GTF2E2: variants seen among roughly 807,000 people sequenced by gnomAD.
GTF2E2 encodes general transcription factor IIE subunit 2.
Under a neutral mutation model 40.5 loss-of-function variants are expected in GTF2E2, and 21 were observed. That is an observed-to-expected ratio of 0.52 (90% CI 0.37 to 0.75). GTF2E2 has a LOEUF of 0.75. Among genes scored for constraint, GTF2E2 ranks in the 30% least tolerant of loss-of-function variants. The probability of loss-of-function intolerance (pLI) is 0.00; values close to 1 mark genes in which losing one functional copy is unlikely to be tolerated. For missense variants in GTF2E2, 298 were observed against 338.4 expected, an observed-to-expected ratio of 0.88 and a Z score of 0.94; for synonymous variants, 117 against 121.6, an observed-to-expected ratio of 0.96 and a Z score of 0.25.
chr8:30,651,546 G>A (rs1187545649), intron 2 of GTF2E2, among the ~76,000 whole-genome samples: 1 of 152,120 alleles, frequency 6.6e-6, no homozygotes, highest in Admixed American at 6.5e-5. Context: ...CTTGAGGCCA[G>A]GAGTTTGAGA....
Position 30,616,932 on chromosome 8 carries a change from T to C in GTF2E2, c.259-2217A>G, listed in dbSNP as rs548831120. Among the ~76,000 whole-genome samples, 312 of 152,102 alleles carry C rather than the reference T, an allele frequency of 2.1e-3. 2 individuals carry two copies. Among genetic ancestry groups the C allele is most frequent in the African/African-American group, 7.2e-3 (300 of 41,448 alleles). ...TATACATTTGAACTTTGTTTCTGCA[T>C]AAAGAACCACTGGAAAAAAAATCAC... On this transcript the variant is annotated intron_variant, in intron 3 of 7. Transcript: ENST00000355904.
chr8:30,623,333 A>C (rs1028002580), intron 3 of GTF2E2, among the ~76,000 whole-genome samples: 1 of 152,000 alleles, frequency 6.6e-6, no homozygotes, highest in Non-Finnish European at 1.5e-5. Flanking sequence ...GCTGAGAATG[A>C]TGGTTTCCAG....
At chr8:30,610,654 G>A (rs939170376) in intron 5 of GTF2E2, among the ~76,000 whole-genome samples, 1 of 151,970 alleles carries the variant, frequency 6.6e-6, no homozygotes, top group Non-Finnish European at 1.5e-5. Context: ...CACATGAAAA[G>A]GAATAAAGTT....
intron 3 of GTF2E2, among the ~76,000 whole-genome samples, chr8:30,622,433 G>A (rs1449053743): frequency 7.8e-6 from 1 of 128,808 alleles, no homozygotes; most frequent in African/African-American, 2.6e-5. Context: ...TGCTTCACAA[G>A]ATAATAGAGT....
chr8:30,593,356 TCTAA>T (rs1828902941), intron 6 of GTF2E2, among the ~76,000 whole-genome samples: 1 of 152,230 alleles, frequency 6.6e-6, no homozygotes, highest in Non-Finnish European at 1.5e-5. Flanking sequence ...AATGCTGTAG[TCTAA>T]CTGTGGATGT....
intron 7 of GTF2E2, among the ~76,000 whole-genome samples, chr8:30,580,079 T>G (rs1317600922): frequency 2.0e-5 from 3 of 152,038 alleles, no homozygotes; most frequent in Non-Finnish European, 4.4e-5. Flanking sequence ...TGGGAGGAGC[T>G]GGGTGTAGAA....
intron 3 of GTF2E2, among the ~76,000 whole-genome samples, chr8:30,631,944 C>T (rs1036395232): frequency 1.8e-4 from 27 of 151,510 alleles, no homozygotes; most frequent in South Asian, 2.1e-4. Flanking sequence ...CCTGTCTCTA[C>T]AAAAAAAATA....
intron 1 of GTF2E2, among the ~76,000 whole-genome samples, chr8:30,657,399 CTT>C (rs1031710691): frequency 1.3e-5 from 2 of 152,168 alleles, no homozygotes; most frequent in African/African-American, 4.8e-5. Context: ...CTTCCCCTCT[CTT>C]TCACTTTTAC....
chr8:30,639,307 G>C (rs1017666658), intron 2 of GTF2E2, among the ~76,000 whole-genome samples: 1 of 152,066 alleles, frequency 6.6e-6, no homozygotes, highest in African/African-American at 2.4e-5. Context: ...TTTAATTAAA[G>C]TATTTCTTCA....
At chr8:30,637,263 C>T in intron 2 of GTF2E2, 1 of 456,156 alleles carries the variant, frequency 2.2e-6, no homozygotes, top group Non-Finnish European at 4.4e-6. Context: ...ACTGTATAAA[C>T]AACTGGGAAG....
chr8:30,640,654 A>G (rs751535780), intron 2 of GTF2E2, among the ~76,000 whole-genome samples: 60 of 152,186 alleles, frequency 3.9e-4, no homozygotes, highest in Admixed American at 5.9e-4. Flanking sequence ...ATAAACTTAC[A>G]TTTTAATTTC....
intron 6 of GTF2E2, among the ~76,000 whole-genome samples, chr8:30,593,917 ATATT>A (rs905809046): frequency 6.6e-6 from 1 of 151,234 alleles, no homozygotes; most frequent in Non-Finnish European, 1.5e-5. Flanking sequence ...TAACCTGTCT[ATATT>A]TATTTTTTAT....
chr8:30,630,200 T>C (rs1801400612), intron 3 of GTF2E2, among the ~76,000 whole-genome samples: 1 of 152,198 alleles, frequency 6.6e-6, no homozygotes, highest in African/African-American at 2.4e-5. Context: ...CCAACGTAAA[T>C]TACTGAGCTA....
intron 3 of GTF2E2, among the ~76,000 whole-genome samples, chr8:30,624,016 T>C (rs576739831): frequency 7.0e-4 from 107 of 152,232 alleles, no homozygotes; most frequent in African/African-American, 1.4e-3. Context: ...TTTAGTTTAA[T>C]TAGATCCCAT....
chr8:30,620,930 G>GAA (rs60829571), intron 3 of GTF2E2, among the ~76,000 whole-genome samples: 1 of 140,018 alleles, frequency 7.1e-6, no homozygotes, highest in Non-Finnish European at 1.6e-5. Context: ...TTACATCTTG[G>GAA]AAAAAAAAAA....
At chr8:30,655,673 AT>A (rs1300901658) in intron 1 of GTF2E2, among the ~76,000 whole-genome samples, 1 of 152,226 alleles carries the variant, frequency 6.6e-6, no homozygotes, top group African/African-American at 2.4e-5. Flanking sequence ...TGCTGCTTAG[AT>A]TTGAGAAAAT....
In GTF2E2 at chr8:30,648,253, A is replaced by C. The variant is rs569794486; in HGVS notation, c.166+5180T>G. Among the ~76,000 whole-genome samples the C allele has an allele frequency of 7.2e-4, 109 of 152,324 alleles. 2 individuals are homozygous for C. In the South Asian group the frequency reaches 0.022, roughly 31 times the overall value. Reference sequence around the variant, plus strand: ...TACAAGGAGAACAGTATGATACCACACCTAAGAGATAATTAGAGGCCAGAT... The same window carrying C: ...TACAAGGAGAACAGTATGATACCACCCCTAAGAGATAATTAGAGGCCAGAT... On this transcript the variant is annotated intron_variant, in intron 2 of 7. Coordinates refer to ENST00000355904, the MANE Select transcript of GTF2E2 (RefSeq NM_002095.6).
chr8:30,600,100 C>T (rs1829133217), intron 6 of GTF2E2, among the ~76,000 whole-genome samples: 1 of 152,158 alleles, frequency 6.6e-6, no homozygotes, highest in Admixed American at 6.5e-5. Flanking sequence ...ACTGTTTAAG[C>T]TTCCAGTAAG....
chr8:30,616,278 T>C (rs1025883552), intron 3 of GTF2E2, among the ~76,000 whole-genome samples: 4 of 151,694 alleles, frequency 2.6e-5, no homozygotes, highest in African/African-American at 9.7e-5. Context: ...TCTACTAAAA[T>C]ACAAAAAATT....
Sources: allele counts gnomAD v4.1 joint callset (sites outside exome capture counted in the v4.1 genomes callset), GRCh38; gene constraint gnomAD v4.1.1; transcripts MANE v1.5; gene names NCBI Gene and HGNC (gene_info 2026-07-23, HGNC 2026-07-21).